The following MNAT1 variants were observed in gnomAD, a reference collection of about 807,000 sequenced individuals.
MNAT1 encodes the protein CDK-activating kinase assembly factor MAT1.
A neutral mutation model predicts 42.0 loss-of-function variants in MNAT1; 43 were observed. That is an observed-to-expected ratio of 1.02 (90% CI 0.80 to 1.32). The LOEUF (loss-of-function observed/expected upper bound fraction) is 1.32, where lower values mean the gene tolerates loss of function less well. Ranked by LOEUF, MNAT1 falls within the 40% of genes most tolerant of loss-of-function variation. The probability of loss-of-function intolerance (pLI) is 0.00; values close to 1 mark genes in which losing one functional copy is unlikely to be tolerated. For synonymous variants in MNAT1, 118 were observed against 120.0 expected, an observed-to-expected ratio of 0.98 and a Z score of 0.11; for missense variants, 306 against 350.4, an observed-to-expected ratio of 0.87 and a Z score of 1.01.
intron 7 of MNAT1, among the ~76,000 whole-genome samples, chr14:60,927,302 A>G (rs1333535207): frequency 6.6e-6 from 1 of 152,214 alleles, no homozygotes; most frequent in Non-Finnish European, 1.5e-5. Context: ...GCTCTACCCA[A>G]TTTCGTTAAT....
chr14:60,870,051 A>G (rs952912328), intron 6 of MNAT1, among the ~76,000 whole-genome samples: 2 of 152,154 alleles, frequency 1.3e-5, no homozygotes, highest in East Asian at 3.9e-4. Flanking sequence ...TACATTTCAG[A>G]TTATTAAAAA....
At chr14:60,754,595 C>T (rs878855683) in intron 1 of MNAT1, among the ~76,000 whole-genome samples, 5 of 152,000 alleles carry the variant, frequency 3.3e-5, no homozygotes, top group Non-Finnish European at 5.9e-5. Context: ...GTGATCTGCC[C>T]GCCTCGGCCT....
At chr14:60,947,228 C>G (rs1179894057) in intron 7 of MNAT1, among the ~76,000 whole-genome samples, 1 of 151,904 alleles carries the variant, frequency 6.6e-6, no homozygotes, top group East Asian at 1.9e-4. Context: ...CTTCCTAGGA[C>G]CCCAACATAT....
chr14:60,759,173 T>C (rs561868782), intron 1 of MNAT1, among the ~76,000 whole-genome samples: 36 of 152,190 alleles, frequency 2.4e-4, no homozygotes, highest in Non-Finnish European at 4.6e-4. Context: ...GAAGAAAGAG[T>C]TCTGTTATTA....
chr14:60,834,060 C>T (rs757927970), intron 6 of MNAT1, among the ~76,000 whole-genome samples: 1 of 152,144 alleles, frequency 6.6e-6, no homozygotes, highest in Non-Finnish European at 1.5e-5. Flanking sequence ...TTTGATTCTT[C>T]TCTCTTGTTT....
chr14:60,734,925 G>A lies in MNAT1; in HGVS notation c.63G>A (p.Leu21=). 2 of 1,614,192 alleles carry A rather than the reference G, an allele frequency of 1.2e-6. No homozygotes were observed. The highest frequency in any genetic ancestry group is 8.5e-7 in the Non-Finnish European group (1 of 1,180,026). The stretch of plus-strand genomic sequence containing the variant: ...AATATCGGAACCCCTCCTTGAAGCT[G>A]ATGGTGAATGTGTGCGGACACACTC... ...TTKYRNPSLK[L]MVNVCGHTLC... is the part of the protein sequence containing the mutation. The change falls in exon 1 of 8, where the codon CTG becomes CTA. Residue 21 remains leucine, a synonymous_variant. Coordinates refer to ENST00000261245, the MANE Select transcript of MNAT1 (RefSeq NM_002431.4). The surrounding 1 kb of genome is among the most constrained non-coding windows in gnomAD (Gnocchi z 4.3).
intron 1 of MNAT1, among the ~76,000 whole-genome samples, chr14:60,736,642 G>T (rs1307129456): frequency 1.3e-5 from 2 of 152,078 alleles, no homozygotes; most frequent in African/African-American, 2.4e-5. Context: ...TAGCGTATTG[G>T]CTGAGAGAAC....
intron 6 of MNAT1, among the ~76,000 whole-genome samples, chr14:60,853,806 T>C (rs1246913877): frequency 6.6e-6 from 1 of 152,212 alleles, no homozygotes; most frequent in African/African-American, 2.4e-5. Flanking sequence ...GAGAAAATCA[T>C]GTGTTTTTTG....
intron 7 of MNAT1, among the ~76,000 whole-genome samples, chr14:60,891,719 C>G (rs1457073999): frequency 6.6e-6 from 1 of 152,142 alleles, no homozygotes; most frequent in Non-Finnish European, 1.5e-5. Context: ...TCCCAAAGTG[C>G]TGGGATTACA....
chr14:60,825,278 T>G (rs2139374224), intron 6 of MNAT1, among the ~76,000 whole-genome samples: 1 of 152,310 alleles, frequency 6.6e-6, no homozygotes, highest in South Asian at 2.1e-4. Flanking sequence ...AAGGGAAAGG[T>G]AAAATTTAGA....
At chr14:60,865,258 A>C (rs1217274411) in intron 6 of MNAT1, among the ~76,000 whole-genome samples, 1 of 152,106 alleles carries the variant, frequency 6.6e-6, no homozygotes, top group Non-Finnish European at 1.5e-5. Context: ...TAATAGTAGT[A>C]GTATTTGTAG....
rs560417839 is a variant in MNAT1, at chr14:60,787,279, T to TG, written c.90-8937dup. 5.3e-5 allele frequency among the ~76,000 whole-genome samples: 8 copies of TG among 152,376 alleles called. No homozygotes were observed. The East Asian group carries it at 1.2e-3, about 22-fold the overall frequency. On this transcript the variant is annotated intron_variant, in intron 1 of 7. Transcript: ENST00000261245. Reference sequence around the variant, plus strand: ...GATTTCTTAGTGTGTATGAAAGTTATGTTTACACTATACTGTAGTATATTA... The same window carrying TG: ...GATTTCTTAGTGTGTATGAAAGTTATGGTTTACACTATACTGTAGTATATTA...
At chr14:60,947,834 C>G (rs566252771) in intron 7 of MNAT1, among the ~76,000 whole-genome samples, 87 of 152,216 alleles carry the variant, frequency 5.7e-4, no homozygotes, top group South Asian at 4.6e-3. Context: ...TGGAACTTAC[C>G]TTCATTGTTA....
chr14:60,937,421 A>C (rs888702433), intron 7 of MNAT1, among the ~76,000 whole-genome samples: 13 of 152,292 alleles, frequency 8.5e-5, no homozygotes, highest in East Asian at 5.8e-4. Context: ...TAAGGAAGGG[A>C]TCCAGTTTCA....
chr14:60,883,690 T>C (rs997520366), intron 7 of MNAT1, among the ~76,000 whole-genome samples: 2 of 152,158 alleles, frequency 1.3e-5, no homozygotes, highest in Admixed American at 6.5e-5. Flanking sequence ...TTTAACATTA[T>C]TGATTCTTCC....
At chr14:60,903,888 T>G (rs1408608207) in intron 7 of MNAT1, among the ~76,000 whole-genome samples, 1 of 142,124 alleles carries the variant, frequency 7.0e-6, no homozygotes, top group Non-Finnish European at 1.5e-5. Flanking sequence ...TTTTTTTTTC[T>G]TTTTGATGGA....
chr14:60,739,779 A>G (rs1158816659), intron 1 of MNAT1, among the ~76,000 whole-genome samples: 1 of 152,230 alleles, frequency 6.6e-6, no homozygotes, highest in Non-Finnish European at 1.5e-5. Flanking sequence ...CTATTTCAAG[A>G]AATGGGCCTT....
intron 7 of MNAT1, among the ~76,000 whole-genome samples, chr14:60,940,012 TTG>T (rs2036106339): frequency 6.6e-6 from 1 of 152,204 alleles, no homozygotes; most frequent in Non-Finnish European, 1.5e-5. Flanking sequence ...CTCTTGATCT[TTG>T]TTGGTTTAAA....
chr14:60,924,569 CAAT>C (rs2139558729), intron 7 of MNAT1, among the ~76,000 whole-genome samples: 1 of 151,762 alleles, frequency 6.6e-6, no homozygotes, highest in East Asian at 1.9e-4. Flanking sequence ...AATGGAGAAA[CAAT>C]AATATGTATG....
Sources: gnomAD v4.1 joint callset for allele counts (sites outside exome capture counted in the v4.1 genomes callset) on GRCh38, gnomAD v4.1.1 for gene constraint, Gnocchi (gnomAD v3.1) non-coding constraint, MANE v1.5 for transcripts, NCBI Gene and HGNC (gene_info 2026-07-23, HGNC 2026-07-21) for gene names.